The following DNAH8 variants were observed in gnomAD, a reference collection of about 807,000 sequenced individuals.
The protein encoded by DNAH8 is dynein axonemal heavy chain 8.
Under a neutral mutation model 562.1 loss-of-function variants are expected in DNAH8, and 382 were observed. The observed-to-expected ratio is 0.68, with a 90% CI of 0.63 to 0.74. The LOEUF (loss-of-function observed/expected upper bound fraction) is 0.74. Ranked by LOEUF, DNAH8 falls within the 30% of genes least tolerant of loss-of-function variation. The probability of loss-of-function intolerance (pLI) is 0.00; values close to 1 mark genes in which losing one functional copy is unlikely to be tolerated. For synonymous variants in DNAH8, 1,881 were observed against 1,919.4 expected, an observed-to-expected ratio of 0.98 and a Z score of 0.52; for missense variants, 5,203 against 5,620.4, an observed-to-expected ratio of 0.93 and a Z score of 2.37.
In DNAH8 at chr6:38,746,101, C is replaced by T. The variant is rs1274034443; in HGVS notation, c.1293+4214C>T. On this transcript the variant is annotated intron_variant, in intron 8 of 92. Coordinates refer to ENST00000327475, the MANE Select transcript of DNAH8 (RefSeq NM_001206927.2). ...GCCAATGGTGGTTTTCTAGTTCCCT[C>T]ATTCCTTCCACGTTTATTAATCAGA... 1.3e-4 allele frequency among the ~76,000 whole-genome samples: 20 copies of T among 152,138 alleles called. 1 individual carries two copies. The highest frequency in any genetic ancestry group is 1.2e-3 in the Admixed American group (19 of 15,276).
chr6:38,969,795 G>A (rs1763218149), intron 82 of DNAH8, among the ~76,000 whole-genome samples: 1 of 152,022 alleles, frequency 6.6e-6, no homozygotes, highest in Non-Finnish European at 1.5e-5. Context: ...ACTTTGGTTT[G>A]GATTTTGGAT....
intron 80 of DNAH8, 41 bp from the exon 81 acceptor site, chr6:38,949,396 AATATATTCCACTTAC>A (rs1267325139): frequency 1.9e-6 from 2 of 1,066,162 alleles, no homozygotes; most frequent in Non-Finnish European, 2.9e-6. Flanking sequence ...AATCCTTTGT[AATATATTCCACTTAC>A]ATATAGTTCT....
rs1188019222 is a variant in DNAH8 at position 38,896,230 on chromosome 6, T to C, written c.8940+5T>C. On this transcript the variant is annotated splice_donor_5th_base_variant and intron_variant, in intron 60 of 92. Transcript: ENST00000327475. Reference sequence around the variant, plus strand: ...GTACCCAAAATATATGAATTGGTATTTATTTTCATCTCTTAAAAGAGGTTT... The same window carrying C: ...GTACCCAAAATATATGAATTGGTATCTATTTTCATCTCTTAAAAGAGGTTT... The C allele has an allele frequency of 1.2e-6, 2 of 1,609,580 alleles. No homozygotes were observed. Among genetic ancestry groups the C allele is most frequent in the Non-Finnish European group, 1.7e-6 (2 of 1,176,682 alleles).
At chr6:38,814,418 T>G (rs1394297467) in intron 25 of DNAH8, among the ~76,000 whole-genome samples, 1 of 152,112 alleles carries the variant, frequency 6.6e-6, no homozygotes, top group East Asian at 1.9e-4. Context: ...CCGTCTCCAC[T>G]AAAAATACAA....
chr6:38,716,125 A>T (rs2127556683), intron 1 of DNAH8, among the ~76,000 whole-genome samples: 1 of 148,148 alleles, frequency 6.8e-6, no homozygotes, highest in African/African-American at 2.5e-5. Flanking sequence ...CGCCCGGCTA[A>T]TTTTTTTTGG....
At chr6:38,716,550 T>C (rs1762363328) in intron 1 of DNAH8, 1 of 152,296 alleles carries the variant, frequency 6.6e-6, no homozygotes, top group African/African-American at 2.4e-5. Context: ...TCTTTCTTTT[T>C]TTGTTTTTCA....
In DNAH8 at chr6:38,894,752, G is replaced by T; in HGVS notation, c.8635G>T (p.Asp2879Tyr). 1 of 1,613,972 alleles carries T rather than the reference G, an allele frequency of 6.2e-7. No individual in the cohort carries two copies. Among genetic ancestry groups the T allele is most frequent in the South Asian group, 1.1e-5 (1 of 91,080 alleles). Residue 2879 changes from aspartate (D) to tyrosine (Y), a missense_variant, in exon 59 of 93, where the codon GAT becomes TAT. Transcript: ENST00000327475. ...ATTTCATTACATCTTCAATCTTCGA[G>T]ATCTTTCCAGAATTTGGCAAGGAAT... Reference protein sequence around the residue: ...SKFHYIFNLRDLSRIWQGMLT... With the variant: ...SKFHYIFNLRYLSRIWQGMLT...
intron 29 of DNAH8, among the ~76,000 whole-genome samples, chr6:38,827,729 C>A (rs1198412583): frequency 1.4e-5 from 1 of 69,794 alleles, no homozygotes; most frequent in East Asian, 6.2e-4. Flanking sequence ...AATTCTTTAC[C>A]AAACTTTTTT....
chr6:38,789,328 A>G (rs1424857426), intron 18 of DNAH8, among the ~76,000 whole-genome samples: 1 of 152,216 alleles, frequency 6.6e-6, no homozygotes, highest in African/African-American at 2.4e-5. Flanking sequence ...AAAATAGTAA[A>G]AAATTGATCA....
intron 75 of DNAH8, among the ~76,000 whole-genome samples, chr6:38,930,904 C>G (rs892524605): frequency 6.6e-6 from 1 of 152,064 alleles, no homozygotes; most frequent in African/African-American, 2.4e-5. Flanking sequence ...CCAACATCTC[C>G]CCATTTCTCC....
chr6:38,745,586 G>A (rs563411872), intron 8 of DNAH8, among the ~76,000 whole-genome samples: 1 of 152,244 alleles, frequency 6.6e-6, no homozygotes, highest in African/African-American at 2.4e-5. Context: ...ACATTAGTAC[G>A]ATACTATTAA....
intron 9 of DNAH8, among the ~76,000 whole-genome samples, chr6:38,753,232 C>T (rs932647098): frequency 3.9e-5 from 6 of 152,098 alleles, no homozygotes; most frequent in African/African-American, 9.7e-5. Context: ...TTTCTGTGCA[C>T]GTGACCCCAA....
rs201039935 is a variant in DNAH8, at chr6:38,923,153, G to A, written c.10758G>A (p.Gln3586=). Residue 3586 remains glutamine, a synonymous_variant, in exon 72 of 93, where the codon CAG becomes CAA. Coordinates refer to ENST00000327475, the MANE Select transcript of DNAH8 (RefSeq NM_001206927.2). ...GLSGEKIRWT[Q]QSKEFKAQIN... Reference sequence around the variant, plus strand: ...GTGGAGAAAAAATCCGGTGGACCCAGCAAAGTAAAGAATTCAAAGCTCAGA... The same window carrying A: ...GTGGAGAAAAAATCCGGTGGACCCAACAAAGTAAAGAATTCAAAGCTCAGA... 4 of 1,613,738 alleles carry A rather than the reference G, an allele frequency of 2.5e-6. No homozygotes were observed. The African/African-American group carries it at 5.3e-5, about 22-fold the overall frequency.
At chr6:38,946,758 C>T (rs989051337) in intron 80 of DNAH8, among the ~76,000 whole-genome samples, 2 of 151,684 alleles carry the variant, frequency 1.3e-5, no homozygotes, top group Non-Finnish European at 2.9e-5. Flanking sequence ...TGCAGTGAGC[C>T]GAAATTGCAC....
At chr6:39,016,507 C>T (rs1173520887) in intron 91 of DNAH8, among the ~76,000 whole-genome samples, 2 of 149,828 alleles carry the variant, frequency 1.3e-5, no homozygotes, top group South Asian at 2.1e-4. Flanking sequence ...GCCGAGATCG[C>T]GCCACTGCAT....
At chr6:38,808,986 T>C (rs2150309493) in intron 24 of DNAH8, among the ~76,000 whole-genome samples, 1 of 152,064 alleles carries the variant, frequency 6.6e-6, no homozygotes, top group East Asian at 1.9e-4. Flanking sequence ...AAATACCTAA[T>C]GTAGATGACG....
At position 38,815,534 on chromosome 6, in the gene DNAH8, G is replaced by T. The variant is rs1562881452; in HGVS notation, c.3400G>T (p.Val1134Phe). Residue 1134 changes from valine to phenylalanine, a missense_variant, in exon 26 of 93, where the codon GTC becomes TTC. Transcript: ENST00000327475. ...CCGTATGATCCAGTTAACCCTGGAG[G>T]TCAGCAGAGGAGTGGCTCACTGGGG... ...INRMIQLTLEVSRGVAHWGQQ... is the reference protein window; with the variant it reads ...INRMIQLTLEFSRGVAHWGQQ... The T allele has an allele frequency of 1.2e-6, 2 of 1,613,980 alleles. No homozygotes were observed.
intron 91 of DNAH8, among the ~76,000 whole-genome samples, chr6:39,018,971 A>G (rs1008625353): frequency 1.3e-5 from 2 of 152,240 alleles, no homozygotes; most frequent in Non-Finnish European, 2.9e-5. Flanking sequence ...TATGCATAAC[A>G]TGGATAATTC....
chr6:38,772,971 C>CTTTTTTTTTTTTTTTTTTT lies in DNAH8; in HGVS notation c.1764+2421_1764+2439dup, dbSNP rs58784448. The stretch of plus-strand genomic sequence containing the variant: ...ATACCACCATGCCTAGCTAATTAAA[C>CTTTTTTTTTTTTTTTTTTT]TTTTTTTTTTTTTTTTTTTTTTTTT... On this transcript the variant is annotated intron_variant, in intron 12 of 92. Transcript: ENST00000327475. 1.3e-3 allele frequency among the ~76,000 whole-genome samples: 116 copies of CTTTTTTTTTTTTTTTTTTT among 88,074 alleles called. 12 individuals carry two copies. The highest frequency in any genetic ancestry group is 1.6e-3 in the Non-Finnish European group (78 of 47,954). The allele number at this position is 88,074 out of a possible 152,430, so 57.8% of individuals were successfully genotyped here. A position where few individuals can be genotyped will look rare whatever the true frequency, so the allele number is the denominator to read the frequency against.
Sources: gnomAD v4.1 joint callset for allele counts (sites outside exome capture counted in the v4.1 genomes callset) on GRCh38, gnomAD v4.1.1 for gene constraint, MANE v1.5 for transcripts, NCBI Gene and HGNC (gene_info 2026-07-23, HGNC 2026-07-21) for gene names.